Variants in ZC3H12D observed in about 807,000 individuals in gnomAD.
The protein encoded by ZC3H12D is zinc finger CCCH-type containing 12D, also known as probable ribonuclease ZC3H12D.
A neutral mutation model predicts 24.2 loss-of-function variants in ZC3H12D; 11 were observed. That is an observed-to-expected ratio of 0.46 (90% CI 0.29 to 0.75). ZC3H12D has a LOEUF of 0.75. Among genes scored for constraint, ZC3H12D ranks in the 30% least tolerant of loss-of-function variants. ZC3H12D has a pLI of 0.11. For missense variants in ZC3H12D, 740 were observed against 767.7 expected, an observed-to-expected ratio of 0.96 and a Z score of 0.43; for synonymous variants, 333 against 341.8, an observed-to-expected ratio of 0.97 and a Z score of 0.28.
In ZC3H12D at chr6:149,456,769, C is replaced by T. The variant is rs181952584; in HGVS notation, c.577G>A (p.Val193Ile). The T allele has an allele frequency of 5.9e-5, 96 of 1,613,778 alleles. 1 individual carries two copies. In the East Asian group the frequency reaches 2.0e-3, roughly 34 times the overall value. Residue 193 changes from valine (V) to isoleucine (I), a missense_variant, in exon 4 of 6, where the codon GTC (valine) becomes ATC (isoleucine). Val to Ile is a conservative substitution (Grantham distance 29). Transcript: ENST00000409806. The surrounding 1 kb of genome is among the most constrained non-coding windows in gnomAD (Gnocchi z 4.3). ...CGGTAGTTGTCGTTGGAGACGATGA[C>T]GCCGTCCTGCTCGTAGGCCACCTTC... ...IVKVAYEQDG[V>I]IVSNDNYRDL...
Position 149,458,111 on chromosome 6 carries a change from C to CTT in ZC3H12D, c.446-1213_446-1212dup, listed in dbSNP as rs57317596. On this transcript the variant is annotated intron_variant, in intron 3 of 5. Coordinates refer to ENST00000409806, the MANE Select transcript of ZC3H12D (RefSeq NM_207360.3). ...AGAATCATTTTCTTTCTTTCTTTTT[C>CTT]TTTTTTTTTTTCGTTTCTTTTTTTT... Among the ~76,000 whole-genome samples the CTT allele has an allele frequency of 9.0e-4, 72 of 80,248 alleles. 1 individual carries two copies. Among genetic ancestry groups the CTT allele is most frequent in the African/African-American group, 1.7e-3 (37 of 21,676 alleles). The allele number at this position is 80,248 out of a possible 152,430, so 52.6% of individuals were successfully genotyped here.
intron 2 of ZC3H12D, among the ~76,000 whole-genome samples, chr6:149,473,238 C>T (rs958905451): frequency 6.6e-6 from 1 of 152,132 alleles, no homozygotes; most frequent in African/African-American, 2.4e-5. Flanking sequence ...TCCTGCAACA[C>T]CAAATCCAAA....
chr6:149,449,623 G>A lies in ZC3H12D; in HGVS notation c.*1060C>T, dbSNP rs1775849362. The A allele has an allele frequency of 6.6e-6, 1 of 152,088 alleles. No individual in the cohort carries two copies. The highest frequency in any genetic ancestry group is 2.4e-5 in the African/African-American group (1 of 41,398). The allele number at this position is 152,088 out of a possible 1,614,324, so 9.4% of individuals were successfully genotyped here. ...TGGCTAAATTTTTGTATTTTTAGTA[G>A]AGACAGGGTTTCACCATGTTGGCCA... On this transcript the variant is annotated 3_prime_UTR_variant, in exon 6 of 6. Transcript: ENST00000409806.
chr6:149,473,149 A>C (rs1266982965), intron 2 of ZC3H12D, among the ~76,000 whole-genome samples: 3 of 149,010 alleles, frequency 2.0e-5, no homozygotes, highest in East Asian at 4.0e-4. Flanking sequence ...AAAAAAAAAA[A>C]CTCAAAGTAC....
At chr6:149,460,315 A>G (rs554963675) in intron 3 of ZC3H12D, among the ~76,000 whole-genome samples, 29 of 152,086 alleles carry the variant, frequency 1.9e-4, no homozygotes, top group African/African-American at 6.3e-4. Flanking sequence ...TCAGAAATCC[A>G]AAACACTTCT....
chr6:149,465,762 A>G (rs528716958), intron 2 of ZC3H12D, among the ~76,000 whole-genome samples: 1 of 119,436 alleles, frequency 8.4e-6, no homozygotes, highest in Non-Finnish European at 1.7e-5. Context: ...CTCAAAAAAA[A>G]AAAAGGGGGG....
chr6:149,474,264 T>A lies in ZC3H12D; in HGVS notation c.280A>T (p.Ile94Phe). ...TLASSLRPIV[I>F]DGSNVAMSHG... is the part of the protein sequence containing the mutation. ...CTCATCGCCACGTTGCTGCCATCAA[T>A]CACTATGGGTCGCAGAGAACTGGCC... Residue 94 changes from isoleucine to phenylalanine, a missense_variant, in exon 2 of 6, where the codon ATT becomes TTT. Transcript: ENST00000409806. 6.7e-7 allele frequency: 1 copy of A among 1,489,534 alleles called. No individual in the cohort carries two copies. The highest frequency in any genetic ancestry group is 9.0e-7 in the Non-Finnish European group (1 of 1,109,922). 92.3% of individuals were successfully genotyped at this position (1,489,534 alleles called of 1,614,324 possible). A position where few individuals can be genotyped will look rare whatever the true frequency, so the allele number is the denominator to read the frequency against.
chr6:149,464,246 A>G (rs419997), intron 2 of ZC3H12D, among the ~76,000 whole-genome samples: 55,321 of 152,070 alleles, frequency 0.36, 10,600 homozygotes, highest in African/African-American at 0.46. Context: ...CAGGAAAGCC[A>G]GGGGAAAAGG....
At chr6:149,484,606 G>A (rs1166006253) in intron 1 of ZC3H12D, among the ~76,000 whole-genome samples, 1 of 152,182 alleles carries the variant, frequency 6.6e-6, no homozygotes, top group African/African-American at 2.4e-5. Context: ...AAATTAAAGA[G>A]GGTTATCTTA....
intron 3 of ZC3H12D, among the ~76,000 whole-genome samples, chr6:149,460,830 C>CAA (rs368479598): frequency 0.24 from 30,530 of 124,714 alleles, 3,366 homozygotes; most frequent in African/African-American, 0.28. Context: ...AACTCCATGT[C>CAA]AAAAAAAAAA....
At chr6:149,461,672 T>C (rs1395578078) in intron 3 of ZC3H12D, 159 bp downstream of exon 3, 2 of 725,880 alleles carry the variant, frequency 2.8e-6, no homozygotes, top group South Asian at 2.2e-5. Flanking sequence ...GGCTATGGCA[T>C]TGAACAGTCA....
At chr6:149,475,622 A>G (rs1294549686) in intron 1 of ZC3H12D, among the ~76,000 whole-genome samples, 1 of 152,056 alleles carries the variant, frequency 6.6e-6, no homozygotes, top group Admixed American at 6.6e-5. Flanking sequence ...AGGCTGAGGC[A>G]GGAGAATCTC....
chr6:149,455,125 G>A (rs1419798158), intron 4 of ZC3H12D, among the ~76,000 whole-genome samples: 1 of 152,166 alleles, frequency 6.6e-6, no homozygotes, highest in East Asian at 1.9e-4. Context: ...AAGTGGCAGG[G>A]CCTCAGATGG....
At position 149,473,298 on chromosome 6, in the gene ZC3H12D, C is replaced by T. The variant is rs923567024; in HGVS notation, c.305+941G>A. Among the ~76,000 whole-genome samples the T allele has an allele frequency of 7.2e-5, 11 of 152,202 alleles. No homozygotes were observed. In the East Asian group the frequency reaches 7.7e-4, roughly 11 times the overall value. ...CTCTCGGAGGCTCTGTTGACACATT[C>T]GGTGCCGCGGAGAATTGCTTTTCTG... On this transcript the variant is annotated intron_variant, in intron 2 of 5. Coordinates refer to ENST00000409806, the MANE Select transcript of ZC3H12D (RefSeq NM_207360.3).
intron 2 of ZC3H12D, among the ~76,000 whole-genome samples, chr6:149,470,303 C>T (rs1055151866): frequency 7.9e-5 from 12 of 151,900 alleles, no homozygotes; most frequent in Non-Finnish European, 1.5e-4. Context: ...GAGGTTGCAG[C>T]GAGCCAAGAT....
chr6:149,463,935 A>G (rs960639135), intron 2 of ZC3H12D, among the ~76,000 whole-genome samples: 2 of 152,224 alleles, frequency 1.3e-5, no homozygotes, highest in African/African-American at 4.8e-5. Context: ...GGGAAAGATC[A>G]TGAGTTCTAT....
At position 149,474,388 on chromosome 6, in the gene ZC3H12D, G is replaced by C. The variant is rs1776297685; in HGVS notation, c.156C>G (p.His52Gln). The C allele has an allele frequency of 6.2e-7, 1 of 1,608,228 alleles. No individual in the cohort carries two copies. Among genetic ancestry groups the C allele is most frequent in the East Asian group, 2.2e-5 (1 of 44,762 alleles). Residue 52 changes from histidine to glutamine, a missense_variant, in exon 2 of 6, where the codon CAC (histidine) becomes CAG (glutamine). By Grantham distance (24) the His-to-Gln change is conservative. Transcript: ENST00000409806. Reference sequence around the variant, plus strand: ...GAGGCACTAGCCTGGGTGCAGCCGGGTGCTCCAGGGCACCCGGGCGGCTGC... The same window carrying C: ...GAGGCACTAGCCTGGGTGCAGCCGGCTGCTCCAGGGCACCCGGGCGGCTGC... ...RTGSRPGALEHPAAPRLVPRG... is the reference protein window; with the variant it reads ...RTGSRPGALEQPAAPRLVPRG...
At chr6:149,453,536 G>A (rs2115001551) in intron 4 of ZC3H12D, among the ~76,000 whole-genome samples, 1 of 152,218 alleles carries the variant, frequency 6.6e-6, no homozygotes, top group South Asian at 2.1e-4. Context: ...GCTGAGGCAG[G>A]AGAATTGCTT....
chr6:149,478,533 C>A (rs994314206), intron 1 of ZC3H12D, among the ~76,000 whole-genome samples: 8 of 152,010 alleles, frequency 5.3e-5, no homozygotes, highest in African/African-American at 1.9e-4. Flanking sequence ...ACATATCCAG[C>A]GATAGATAGA....
Sources: allele counts gnomAD v4.1 joint callset (sites outside exome capture counted in the v4.1 genomes callset), GRCh38; gene constraint gnomAD v4.1.1; non-coding constraint Gnocchi (gnomAD v3.1); transcripts MANE v1.5; gene names NCBI Gene and HGNC (gene_info 2026-07-23, HGNC 2026-07-21).